PLXNA2: variants seen among roughly 807,000 people sequenced by gnomAD.
The protein encoded by PLXNA2 is plexin A2.
A neutral mutation model predicts 193.5 loss-of-function variants in PLXNA2; 91 were observed. That is an observed-to-expected ratio of 0.47 (90% CI 0.40 to 0.56). The LOEUF is 0.56. PLXNA2 is among the 20% of genes least tolerant of loss of function. The pLI, the probability that PLXNA2 is intolerant of heterozygous loss-of-function variation, is 0.00. For missense variants in PLXNA2, 1,995 were observed against 2,503.2 expected, an observed-to-expected ratio of 0.80 and a Z score of 4.33; for synonymous variants, 997 against 1,027.3, an observed-to-expected ratio of 0.97 and a Z score of 0.56.
intron 3 of PLXNA2, among the ~76,000 whole-genome samples, chr1:208,192,461 CA>C (rs150621205): frequency 0.056 from 8,422 of 151,546 alleles, 694 homozygotes; most frequent in East Asian, 0.37. Flanking sequence ...TTTTAAACAA[CA>C]AAAAAACCAT....
chr1:208,196,373 A>G (rs980582187), intron 3 of PLXNA2, among the ~76,000 whole-genome samples: 9 of 152,250 alleles, frequency 5.9e-5, no homozygotes, highest in African/African-American at 1.7e-4. Context: ...GTTCTCTGCT[A>G]ATATTGACCA....
At chr1:208,027,409 C>T in intron 31 of PLXNA2, 71 bp from the exon 32 acceptor site, 1 of 1,183,090 alleles carries the variant, frequency 8.5e-7, no homozygotes, top group African/African-American at 1.5e-5. Flanking sequence ...TGGAGTCGTT[C>T]CCTCTTTGCC....
intron 9 of PLXNA2, among the ~76,000 whole-genome samples, chr1:208,087,657 T>C (rs1356586633): frequency 6.6e-6 from 1 of 152,198 alleles, no homozygotes; most frequent in African/African-American, 2.4e-5. Context: ...GCCCCAGGTA[T>C]GCTTTCTTCA....
chr1:208,238,739 A>T (rs1206681653), intron 1 of PLXNA2, among the ~76,000 whole-genome samples: 1 of 152,232 alleles, frequency 6.6e-6, no homozygotes, highest in East Asian at 1.9e-4. Context: ...TTTTAAAAAA[A>T]AGTCTCCTCA....
At position 208,082,539 on chromosome 1, in the gene PLXNA2, C is replaced by A; in HGVS notation, c.2299-31G>T. The A allele has an allele frequency of 6.6e-7, 1 of 1,515,228 alleles. No homozygotes were observed. The highest frequency in any genetic ancestry group is 1.1e-5 in the South Asian group (1 of 88,564). 93.9% of individuals were successfully genotyped at this position (1,515,228 alleles called of 1,614,324 possible). Reference sequence around the variant, plus strand: ...GGGAGACGGGCAGAGGCATGGGGCTCATGTGGCTCTCTATCACAGGGGTCA... The same window carrying A: ...GGGAGACGGGCAGAGGCATGGGGCTAATGTGGCTCTCTATCACAGGGGTCA... On this transcript the variant is annotated intron_variant, in intron 10 of 31. Coordinates refer to ENST00000367033, the MANE Select transcript of PLXNA2 (RefSeq NM_025179.4). This position sits in a 1 kb window ranked among gnomAD's most constrained non-coding sequence, Gnocchi z 4.2.
intron 5 of PLXNA2, among the ~76,000 whole-genome samples, chr1:208,100,477 C>A (rs1411984295): frequency 6.6e-6 from 1 of 151,878 alleles, no homozygotes; most frequent in Non-Finnish European, 1.5e-5. Context: ...CAGTGTTAGC[C>A]CTTATAATAT....
intron 3 of PLXNA2, among the ~76,000 whole-genome samples, chr1:208,176,641 T>A (rs1306403585): frequency 6.6e-6 from 1 of 152,184 alleles, no homozygotes; most frequent in Non-Finnish European, 1.5e-5. Flanking sequence ...TGACTGAGGA[T>A]GCAAGGGAAG....
chr1:208,182,144 G>C (rs1669862675), intron 3 of PLXNA2, among the ~76,000 whole-genome samples: 1 of 152,144 alleles, frequency 6.6e-6, no homozygotes, highest in African/African-American at 2.4e-5. Context: ...TCTTCCTTAA[G>C]AAATCAAAGG....
intron 3 of PLXNA2, among the ~76,000 whole-genome samples, chr1:208,163,910 C>T (rs1025292303): frequency 8.5e-5 from 13 of 152,188 alleles, no homozygotes; most frequent in Admixed American, 6.5e-5. Flanking sequence ...GGGCCAGATG[C>T]CCTTCTCCCA....
intron 28 of PLXNA2, among the ~76,000 whole-genome samples, chr1:208,032,602 T>C (rs929324750): frequency 2.0e-5 from 3 of 152,212 alleles, no homozygotes; most frequent in Non-Finnish European, 2.9e-5. Context: ...AATCTAGCCC[T>C]GCGTGGAAAA....
intron 6 of PLXNA2, among the ~76,000 whole-genome samples, chr1:208,098,432 CCTCTCT>C (rs200790325): frequency 0.013 from 1,733 of 137,174 alleles, 13 homozygotes; most frequent in Non-Finnish European, 0.015. Flanking sequence ...CTTATTCTTT[CCTCTCT>C]CTCTCTCTCT....
intron 8 of PLXNA2, among the ~76,000 whole-genome samples, chr1:208,094,923 A>C (rs1001796077): frequency 2.0e-5 from 3 of 152,224 alleles, no homozygotes; most frequent in African/African-American, 7.2e-5. Flanking sequence ...TTTAGGGTTT[A>C]GCTGCAAACA....
intron 3 of PLXNA2, among the ~76,000 whole-genome samples, chr1:208,203,623 C>T (rs1404848202): frequency 6.6e-6 from 1 of 152,152 alleles, no homozygotes; most frequent in East Asian, 1.9e-4. Flanking sequence ...AACTCCACCC[C>T]ACGAGAGGAG....
At chr1:208,172,554 C>T (rs556026609) in intron 3 of PLXNA2, among the ~76,000 whole-genome samples, 22 of 152,334 alleles carry the variant, frequency 1.4e-4, no homozygotes, top group African/African-American at 4.6e-4. Context: ...CTGAGCCGAG[C>T]ACATGCCCTG....
chr1:208,099,759 C>G (rs7354826), intron 5 of PLXNA2, among the ~76,000 whole-genome samples: 1 of 151,908 alleles, frequency 6.6e-6, no homozygotes, highest in Non-Finnish European at 1.5e-5. Context: ...TTAGTAGAGA[C>G]GGGGTTTCAC....
intron 1 of PLXNA2, among the ~76,000 whole-genome samples, chr1:208,238,437 G>T (rs1205354042): frequency 6.6e-6 from 1 of 152,114 alleles, no homozygotes; most frequent in African/African-American, 2.4e-5. Flanking sequence ...GTACATCTGA[G>T]CTAAAGCAAA....
chr1:208,113,642 C>T (rs1020212966), intron 4 of PLXNA2, among the ~76,000 whole-genome samples: 8 of 151,210 alleles, frequency 5.3e-5, no homozygotes, highest in East Asian at 1.9e-4. Flanking sequence ...CTCAGGCTCC[C>T]GGATTCATGC....
intron 13 of PLXNA2, among the ~76,000 whole-genome samples, chr1:208,054,919 C>T (rs916626622): frequency 4.6e-5 from 7 of 152,156 alleles, no homozygotes; most frequent in South Asian, 2.1e-4. Flanking sequence ...ATCTAGCTGA[C>T]GCTCTCTCCT....
chr1:208,098,450 T>A (rs1666979510), intron 6 of PLXNA2, among the ~76,000 whole-genome samples: 1 of 120,336 alleles, frequency 8.3e-6, no homozygotes, highest in Non-Finnish European at 1.8e-5. Flanking sequence ...TCTCTCTCTC[T>A]CTCTCTCTCA....
Sources: gnomAD v4.1 joint callset for allele counts (sites outside exome capture counted in the v4.1 genomes callset) on GRCh38, gnomAD v4.1.1 for gene constraint, Gnocchi (gnomAD v3.1) non-coding constraint, MANE v1.5 for transcripts, NCBI Gene and HGNC (gene_info 2026-07-23, HGNC 2026-07-21) for gene names.